RELCH: variants seen among roughly 807,000 people sequenced by gnomAD.
RELCH encodes RAB11-binding protein RELCH.
A neutral mutation model predicts 150.3 loss-of-function variants in RELCH; 41 were observed. The observed-to-expected ratio is 0.27, with a 90% confidence interval of 0.21 to 0.35. RELCH has a LOEUF of 0.35. Among genes scored for constraint, RELCH ranks in the 10% least tolerant of loss-of-function variants. RELCH has a pLI of 1.00. For missense variants in RELCH, 1,092 were observed against 1,467.8 expected (o/e 0.74, Z 4.18); for synonymous variants, 478 against 531.8 (o/e 0.90, Z 1.39).
At chr18:62,261,711 C>T in intron 16 of RELCH, 53 bp downstream of exon 16, 3 of 1,496,304 alleles carry the variant, frequency 2.0e-6, no homozygotes, top group Non-Finnish European at 2.7e-6. Context: ...AGCCTAGCTT[C>T]CCAAAGAATT....
intron 12 of RELCH, among the ~76,000 whole-genome samples, chr18:62,254,140 G>A (rs66962489): frequency 0.14 from 21,411 of 151,900 alleles, 2,033 homozygotes; most frequent in Non-Finnish European, 0.21. Flanking sequence ...GAAGCCAGCT[G>A]GGATTTTCAT....
chr18:62,255,774 G>A (rs1042201036), intron 13 of RELCH, among the ~76,000 whole-genome samples: 1 of 152,072 alleles, frequency 6.6e-6, no homozygotes, highest in Non-Finnish European at 1.5e-5. Flanking sequence ...TCCATGAGGA[G>A]AAAACTGTTT....
chr18:62,200,687 G>A (rs1338937707), intron 1 of RELCH, among the ~76,000 whole-genome samples: 1 of 151,708 alleles, frequency 6.6e-6, no homozygotes, highest in African/African-American at 2.4e-5. Flanking sequence ...TTATCACCAA[G>A]GTTACTGCTA....
At chr18:62,210,600 C>A (rs1014586396) in intron 1 of RELCH, among the ~76,000 whole-genome samples, 5 of 152,138 alleles carry the variant, frequency 3.3e-5, no homozygotes, top group Admixed American at 1.3e-4. Flanking sequence ...TTATTGTATA[C>A]ATATATTCCT....
chr18:62,268,800 C>T (rs1027239063), intron 19 of RELCH, 69 bp from the exon 20 acceptor site: 22 of 729,644 alleles, frequency 3.0e-5, no homozygotes, highest in South Asian at 4.2e-5. Context: ...TAAATATAAT[C>T]GCATTATGAT....
chr18:62,196,750 C>T (rs1300156576), intron 1 of RELCH, among the ~76,000 whole-genome samples: 1 of 152,034 alleles, frequency 6.6e-6, no homozygotes, highest in Non-Finnish European at 1.5e-5. Context: ...ATTTTTACAT[C>T]GATATATTTA....
intron 16 of RELCH, among the ~76,000 whole-genome samples, chr18:62,263,206 G>A (rs2043365186): frequency 6.6e-6 from 1 of 151,920 alleles, no homozygotes; most frequent in Non-Finnish European, 1.5e-5. Context: ...AATTTGGGCG[G>A]GGGGCAGTTC....
At chr18:62,224,871 T>A (rs1273819708) in intron 5 of RELCH, among the ~76,000 whole-genome samples, 1 of 152,026 alleles carries the variant, frequency 6.6e-6, no homozygotes, top group Non-Finnish European at 1.5e-5. Flanking sequence ...AAGTAATGAT[T>A]TTTTTCTAAA....
At chr18:62,295,085 G>A (rs1801335689) in intron 27 of RELCH, among the ~76,000 whole-genome samples, 1 of 152,130 alleles carries the variant, frequency 6.6e-6, no homozygotes, top group South Asian at 2.1e-4. Flanking sequence ...GAAATGTTTT[G>A]ACTGTTCATG....
chr18:62,215,698 A>G (rs1181625675), intron 2 of RELCH, among the ~76,000 whole-genome samples: 4 of 152,114 alleles, frequency 2.6e-5, no homozygotes. Context: ...TGCTTATACC[A>G]AGGTTGAGAA....
chr18:62,291,762 T>G (rs2045150527), intron 27 of RELCH, 131 bp downstream of exon 27: 3 of 614,852 alleles, frequency 4.9e-6, no homozygotes, highest in Non-Finnish European at 8.5e-6. Flanking sequence ...TTTTATCGAT[T>G]TATTTACTAG....
At chr18:62,250,008 A>G (rs1381322368) in intron 11 of RELCH, among the ~76,000 whole-genome samples, 1 of 152,130 alleles carries the variant, frequency 6.6e-6, no homozygotes, top group Non-Finnish European at 1.5e-5. Flanking sequence ...TTTTCTAGCA[A>G]CCATAATTGG....
At position 62,277,940 on chromosome 18, in the gene RELCH, G is replaced by A. The variant is rs182703629; in HGVS notation, c.2968-1834G>A. On this transcript the variant is annotated intron_variant, in intron 22 of 28. Coordinates refer to ENST00000644646, the MANE Select transcript of RELCH (RefSeq NM_001346231.2). ...GAGGTCATGGACTTTAAGTCAGATG[G>A]GACAGAGTTCCTTTGCAGGCCCTGC... 4.2e-4 allele frequency: 292 copies of A among 691,328 alleles called. 1 individual carries two copies. The African/African-American group carries it at 5.2e-3, about 12-fold the overall frequency. The allele number at this position is 691,328 out of a possible 1,614,324, so 42.8% of individuals were successfully genotyped here.
chr18:62,228,741 G>A (rs1416566244), intron 8 of RELCH, 143 bp downstream of exon 8: 7 of 602,346 alleles, frequency 1.2e-5, no homozygotes, highest in Admixed American at 1.1e-4. Flanking sequence ...TTAACACATA[G>A]CAAAGTAGTT....
At chr18:62,283,278 T>G (rs2044617422) in intron 25 of RELCH, among the ~76,000 whole-genome samples, 1 of 152,236 alleles carries the variant, frequency 6.6e-6, no homozygotes, top group Non-Finnish European at 1.5e-5. Flanking sequence ...CTGCCTTTTT[T>G]CTCTAGATTT....
In RELCH at chr18:62,255,395, T is replaced by C. The variant is rs530157864; in HGVS notation, c.1825-12T>C. On this transcript the variant is annotated splice_polypyrimidine_tract_variant and intron_variant, in intron 12 of 28. Coordinates refer to ENST00000644646, the MANE Select transcript of RELCH (RefSeq NM_001346231.2). ...CTGTTTATGCTTGATTTATTTATTT[T>C]TTTTGCTCTAGATTAATCACAAATA... 2 of 1,591,224 alleles carry C rather than the reference T, an allele frequency of 1.3e-6. No individual in the cohort carries two copies. Among genetic ancestry groups the C allele is most frequent in the South Asian group, 2.2e-5 (2 of 90,596 alleles).
intron 5 of RELCH, 131 bp from the exon 6 acceptor site, chr18:62,227,158 C>T: frequency 1.6e-6 from 1 of 631,032 alleles, no homozygotes; most frequent in Non-Finnish European, 2.7e-6. Flanking sequence ...GATTGTGCCA[C>T]TGTACTCCAG....
At position 62,309,362 on chromosome 18, in the gene RELCH, C is replaced by T. The variant is rs1191181038; in HGVS notation, c.*3828C>T. On this transcript the variant is annotated 3_prime_UTR_variant, in exon 29 of 29. Coordinates refer to ENST00000644646, the MANE Select transcript of RELCH (RefSeq NM_001346231.2). ...ACTGCGTAAGAATGTGTTCTGTATG[C>T]ATTTTGTGTGTGAGCCTACACTGTG... The T allele has an allele frequency of 6.6e-6, 1 of 152,058 alleles. No homozygotes were observed. 9.4% of individuals were successfully genotyped at this position (152,058 alleles called of 1,614,324 possible).
At chr18:62,287,289 T>C (rs1336772721) in intron 25 of RELCH, 62 bp from the exon 26 acceptor site, 2 of 761,562 alleles carry the variant, frequency 2.6e-6, no homozygotes, top group Non-Finnish European at 4.7e-6. Flanking sequence ...ATTGTTAAAG[T>C]GTGTCAGGGT....
Sources: allele counts gnomAD v4.1 joint callset (sites outside exome capture counted in the v4.1 genomes callset), GRCh38; gene constraint gnomAD v4.1.1; transcripts MANE v1.5; gene names NCBI Gene and HGNC (gene_info 2026-07-23, HGNC 2026-07-21).